The following RAB38 variants were observed in gnomAD, a reference collection of about 807,000 sequenced individuals.
The protein encoded by RAB38 is RAB38, member RAS oncogene family, also known as ras-related protein Rab-38.
RAB38 carries 15 observed loss-of-function variants against 18.4 expected under a neutral mutation model. That is an observed-to-expected ratio of 0.82 (90% CI 0.55 to 1.26). RAB38 has a LOEUF of 1.26. RAB38 is among the 50% of genes most tolerant of loss of function. RAB38 has a pLI of 0.00. For missense variants in RAB38, 294 were observed against 267.4 expected, an observed-to-expected ratio of 1.10 and a Z score of -0.69; for synonymous variants, 101 against 104.4, an observed-to-expected ratio of 0.97 and a Z score of 0.20.
At chr11:87,893,371 C>CATATATATATATATATATATGT in the RAB38 span, among the ~76,000 whole-genome samples, 1 of 86,446 alleles carries the variant, frequency 1.2e-5, no homozygotes, top group African/African-American at 4.3e-5. Flanking sequence ...ATATATTTTA[C>CATATATATATATATATATATGT]ATATATATAT....
the RAB38 span, among the ~76,000 whole-genome samples, chr11:88,026,035 G>C: frequency 6.6e-6 from 1 of 151,900 alleles, no homozygotes; most frequent in African/African-American, 2.4e-5. Context: ...CGCGATTTTG[G>C]CTCACTGCAA....
intron 2 of RAB38, among the ~76,000 whole-genome samples, chr11:88,130,037 T>G (rs1175426097): frequency 3.9e-5 from 6 of 152,102 alleles, no homozygotes; most frequent in Non-Finnish European, 5.9e-5. Flanking sequence ...GAGCAGCACA[T>G]TTGGAAGTAT....
the RAB38 span, among the ~76,000 whole-genome samples, chr11:87,948,212 A>G: frequency 1.3e-5 from 2 of 152,186 alleles, no homozygotes; most frequent in Non-Finnish European, 2.9e-5. Flanking sequence ...TTATTGGTGT[A>G]TAAGAATCCT....
chr11:87,878,944 C>G, the RAB38 span, among the ~76,000 whole-genome samples: 6 of 146,512 alleles, frequency 4.1e-5, no homozygotes, highest in African/African-American at 1.5e-4. Context: ...TCCTAGCTGG[C>G]TTCTCTAATT....
the RAB38 span, among the ~76,000 whole-genome samples, chr11:88,040,190 A>C: frequency 5.3e-5 from 8 of 152,176 alleles, no homozygotes; most frequent in African/African-American, 1.9e-4. Context: ...AACAATAGAA[A>C]TTTATGTTCT....
At chr11:87,914,141 A>G in the RAB38 span, among the ~76,000 whole-genome samples, 7 of 152,080 alleles carry the variant, frequency 4.6e-5, no homozygotes, top group Non-Finnish European at 8.8e-5. Flanking sequence ...CTCTGTTTCC[A>G]TGAACAGATC....
chr11:88,006,176 A>T, the RAB38 span, among the ~76,000 whole-genome samples: 1 of 151,660 alleles, frequency 6.6e-6, no homozygotes, highest in Non-Finnish European at 1.5e-5. Flanking sequence ...TAAAAAAAAA[A>T]ATGCTTGACT....
intron 2 of RAB38, among the ~76,000 whole-genome samples, chr11:88,128,852 G>T (rs535188865): frequency 2.4e-4 from 36 of 152,310 alleles, no homozygotes; most frequent in African/African-American, 8.7e-4. Flanking sequence ...CTATTGGCCA[G>T]TTACAGTGAC....
At chr11:87,953,416 C>T in the RAB38 span, among the ~76,000 whole-genome samples, 379 of 152,258 alleles carry the variant, frequency 2.5e-3, no homozygotes, top group African/African-American at 8.9e-3. Flanking sequence ...ACAGTAGTCC[C>T]CCCTTACTGG....
the RAB38 span, among the ~76,000 whole-genome samples, chr11:88,024,703 T>G: frequency 1.3e-5 from 2 of 152,136 alleles, no homozygotes; most frequent in Non-Finnish European, 2.9e-5. Flanking sequence ...TAAAAAAGAA[T>G]GAAATTCTGT....
chr11:88,032,080 T>C, the RAB38 span, among the ~76,000 whole-genome samples: 25 of 151,004 alleles, frequency 1.7e-4, no homozygotes, highest in Non-Finnish European at 2.7e-4. Flanking sequence ...ATGCCGCATA[T>C]CTACAACTAT....
chr11:88,114,464 T>C (rs966744505), intron 2 of RAB38, among the ~76,000 whole-genome samples: 10 of 152,246 alleles, frequency 6.6e-5, no homozygotes, highest in African/African-American at 2.2e-4. Context: ...AGAAGAAACA[T>C]AAACCTTTAA....
the RAB38 span, among the ~76,000 whole-genome samples, chr11:88,082,484 G>C: frequency 5.3e-5 from 8 of 151,706 alleles, no homozygotes; most frequent in African/African-American, 1.7e-4. Context: ...TATCTAATAG[G>C]AACCTCAAAT....
the RAB38 span, among the ~76,000 whole-genome samples, chr11:87,960,394 A>G: frequency 3.2e-4 from 49 of 151,864 alleles, no homozygotes; most frequent in Middle Eastern, 3.4e-3. Flanking sequence ...AAAAGAAAAA[A>G]AGAGAGAAAT....
chr11:88,149,633 G>A (rs888679591), intron 2 of RAB38, 42 bp downstream of exon 2: 4 of 1,555,946 alleles, frequency 2.6e-6, no homozygotes, highest in Non-Finnish European at 3.5e-6. Context: ...TTTTCTTTGT[G>A]AACCTTGCTT....
At chr11:87,881,900 A>T in the RAB38 span, among the ~76,000 whole-genome samples, 2 of 151,866 alleles carry the variant, frequency 1.3e-5, no homozygotes, top group Non-Finnish European at 2.9e-5. Flanking sequence ...CAATGAGCAA[A>T]GGGCTGGTTG....
At chr11:88,146,414 C>T (rs1445624971) in intron 2 of RAB38, among the ~76,000 whole-genome samples, 2 of 152,120 alleles carry the variant, frequency 1.3e-5, no homozygotes, top group Middle Eastern at 3.2e-3. Flanking sequence ...GACATTATGT[C>T]GTCACTCAAA....
the RAB38 span, among the ~76,000 whole-genome samples, chr11:87,856,161 G>T: frequency 1.3e-5 from 2 of 152,170 alleles, no homozygotes; most frequent in Non-Finnish European, 2.9e-5. Flanking sequence ...ATATGGGAGG[G>T]TTATACGTCC....
chr11:88,042,090 T>C, the RAB38 span, among the ~76,000 whole-genome samples: 1 of 152,176 alleles, frequency 6.6e-6, no homozygotes, highest in Admixed American at 6.5e-5. Context: ...AAGGCCGTTT[T>C]ATTACAGCCA....
Sources: gnomAD v4.1 joint callset for allele counts (sites outside exome capture counted in the v4.1 genomes callset) on GRCh38, gnomAD v4.1.1 for gene constraint, MANE v1.5 for transcripts, NCBI Gene and HGNC (gene_info 2026-07-23, HGNC 2026-07-21) for gene names.